C4orf50: variants seen among roughly 807,000 people sequenced by gnomAD.
The protein encoded by C4orf50 is uncharacterized protein C4orf50.
C4orf50 carries 80 observed loss-of-function variants against 77.2 expected under a neutral mutation model. That is an observed-to-expected ratio of 1.04 (90% CI 0.87 to 1.25). C4orf50 has a LOEUF of 1.25. C4orf50 is among the 50% of genes most tolerant of loss of function. C4orf50 has a pLI of 0.00. For synonymous variants in C4orf50, 532 were observed against 465.3 expected (o/e 1.14, Z -1.84); for missense variants, 1,257 against 1,152.9 (o/e 1.09, Z -1.31).
chr4:5,989,116 C>T (rs1037877403), exon 28 of C4orf50: 15 of 1,535,936 alleles, frequency 9.8e-6, no homozygotes, highest in African/African-American at 5.5e-5. Context: ...GTGGTTATCC[C>T]GCTCGAGCCT....
intron 28 of C4orf50, among the ~76,000 whole-genome samples, chr4:5,987,697 G>C (rs976447652): frequency 1.3e-5 from 2 of 151,638 alleles, no homozygotes; most frequent in Non-Finnish European, 2.9e-5. Flanking sequence ...AGATGGGAGA[G>C]AGAAATAGAG....
intron 7 of C4orf50, among the ~76,000 whole-genome samples, chr4:5,934,783 A>C (rs947311502): frequency 6.6e-6 from 1 of 152,234 alleles, no homozygotes; most frequent in Non-Finnish European, 1.5e-5. Flanking sequence ...TATCATAAAA[A>C]TGCCAACAGC....
chr4:5,967,602 T>C (rs932084419), intron 31 of C4orf50, 140 bp from the exon 10 acceptor site: 7 of 711,914 alleles, frequency 9.8e-6, no homozygotes, highest in Non-Finnish European at 1.5e-5. Flanking sequence ...ACCCTGCCTG[T>C]GTGCATGAAG....
chr4:5,961,586 A>C (rs538362765), intron 33 of C4orf50, among the ~76,000 whole-genome samples: 3 of 152,326 alleles, frequency 2.0e-5, no homozygotes, highest in African/African-American at 7.2e-5. Context: ...TGCTGTGCCC[A>C]AGGCCACACA....
At chr4:5,926,860 C>T (rs917564636) in intron 7 of C4orf50, among the ~76,000 whole-genome samples, 3 of 152,178 alleles carry the variant, frequency 2.0e-5, no homozygotes, top group Non-Finnish European at 2.9e-5. Context: ...GGCTCTGCGG[C>T]TCATCCATAT....
Position 6,004,304 on chromosome 4 carries a change from G to A in C4orf50, c.963+3692C>T, listed in dbSNP as rs780820909. On this transcript the variant is annotated intron_variant, in intron 25 of 33. Coordinates refer to ENST00000531445, the Ensembl canonical transcript of C4orf50. ...GGTGATGTTGGTGATGATGGTGATG[G>A]TGGTGATGATGTGATCGTAATGGTG... 3.6e-3 allele frequency among the ~76,000 whole-genome samples: 101 copies of A among 28,246 alleles called. 20 individuals carry two copies. In the East Asian group the frequency reaches 0.042, roughly 12 times the overall value. 18.5% of individuals were successfully genotyped at this position (28,246 alleles called of 152,430 possible).
chr4:5,945,668 G>A (rs181071589), intron 7 of C4orf50, among the ~76,000 whole-genome samples: 23 of 152,152 alleles, frequency 1.5e-4, no homozygotes, highest in Non-Finnish European at 2.8e-4. Flanking sequence ...GACTTGCCCC[G>A]GCCCCTGCCT....
chr4:5,917,706 T>A (rs1000140446), intron 7 of C4orf50, among the ~76,000 whole-genome samples: 1 of 152,064 alleles, frequency 6.6e-6, no homozygotes, highest in Non-Finnish European at 1.5e-5. Context: ...CCTGGCCAAT[T>A]TCTGTATTTC....
Position 6,018,452 on chromosome 4 carries a change from C to A in C4orf50, c.-21G>T, listed in dbSNP as rs972822465. Reference sequence around the variant, plus strand: ...TCCATCTCAGAAATATTTCATGGGGCAAGACTTAATAATAAAATTAAGTGA... The same window carrying A: ...TCCATCTCAGAAATATTTCATGGGGAAAGACTTAATAATAAAATTAAGTGA... On this transcript the variant is annotated 5_prime_UTR_variant, in exon 23 of 34. Transcript: ENST00000531445. This position sits in a 1 kb window ranked among gnomAD's most constrained non-coding sequence, Gnocchi z 5.1. 5.0e-6 allele frequency: 2 copies of A among 398,768 alleles called. No individual in the cohort carries two copies. The highest frequency in any genetic ancestry group is 8.8e-6 in the Non-Finnish European group (2 of 226,058). The allele number at this position is 398,768 out of a possible 1,614,324, so 24.7% of individuals were successfully genotyped here.
intron 28 of C4orf50, among the ~76,000 whole-genome samples, chr4:5,985,095 A>G (rs1720789056): frequency 6.6e-6 from 1 of 152,182 alleles, no homozygotes; most frequent in South Asian, 2.1e-4. Flanking sequence ...TTAAAGAGCC[A>G]AAAGAGTGAA....
chr4:6,004,204 T>A (rs1722068372), intron 25 of C4orf50, among the ~76,000 whole-genome samples: 1 of 104,490 alleles, frequency 9.6e-6, no homozygotes, highest in Non-Finnish European at 2.2e-5. Flanking sequence ...ATGGTGATGG[T>A]GATGATGGTG....
At chr4:5,928,628 G>A (rs550922812) in intron 7 of C4orf50, among the ~76,000 whole-genome samples, 10 of 152,276 alleles carry the variant, frequency 6.6e-5, no homozygotes, top group African/African-American at 1.2e-4. Flanking sequence ...CATGCTTCCC[G>A]GTGATAAAAC....
intron 7 of C4orf50, among the ~76,000 whole-genome samples, chr4:5,910,913 T>TTA (rs1716778102): frequency 7.1e-6 from 1 of 140,910 alleles, no homozygotes; most frequent in Admixed American, 7.0e-5. Context: ...CTTTCTTTTT[T>TTA]TTTTTTTTTT....
intron 28 of C4orf50, 99 bp from the exon 7 acceptor site, chr4:5,980,437 T>G: frequency 8.8e-7 from 1 of 1,135,400 alleles, no homozygotes; most frequent in South Asian, 1.5e-5. Flanking sequence ...CGTAGTTTTT[T>G]TTTTTGTTGT....
In C4orf50 at chr4:6,014,377, G is replaced by A. The variant is rs78718566; in HGVS notation, c.288-2409C>T. On this transcript the variant is annotated intron_variant, in intron 23 of 33. Transcript: ENST00000531445. ...GTGGCTTGGTACTGAACAAGTACTC[G>A]GTAAGTGCTTAGCTGTTATTAATTT... Among the ~76,000 whole-genome samples, 1,299 of 152,266 alleles carry A rather than the reference G, an allele frequency of 8.5e-3. 22 individuals are homozygous for A. Among genetic ancestry groups the A allele is most frequent in the African/African-American group, 0.03 (1,243 of 41,554 alleles).
intron 28 of C4orf50, among the ~76,000 whole-genome samples, chr4:5,983,033 G>A (rs767387114): frequency 3.9e-5 from 6 of 152,086 alleles, no homozygotes; most frequent in African/African-American, 1.2e-4. Context: ...GAGGGTTTTC[G>A]GTCAAAGAGT....
chr4:5,931,009 G>C (rs1717745186), intron 7 of C4orf50, among the ~76,000 whole-genome samples: 1 of 152,198 alleles, frequency 6.6e-6, no homozygotes, highest in Non-Finnish European at 1.5e-5. Flanking sequence ...AACAGTTCAG[G>C]TCCAGCTGGC....
intron 7 of C4orf50, among the ~76,000 whole-genome samples, chr4:5,926,243 C>A (rs1043505923): frequency 4.6e-5 from 7 of 152,170 alleles, no homozygotes; most frequent in African/African-American, 1.7e-4. Context: ...TCCAGGGGAA[C>A]ATTATTTAGC....
intron 25 of C4orf50, among the ~76,000 whole-genome samples, chr4:6,004,244 G>A (rs1182661666): frequency 4.2e-5 from 3 of 71,018 alleles, no homozygotes; most frequent in African/African-American, 1.6e-4. Flanking sequence ...GATGATGATG[G>A]TGATGATGGT....
Sources: allele counts gnomAD v4.1 joint callset (sites outside exome capture counted in the v4.1 genomes callset), GRCh38; gene constraint gnomAD v4.1.1; non-coding constraint Gnocchi (gnomAD v3.1); transcripts MANE v1.5; gene names NCBI Gene and HGNC (gene_info 2026-07-23, HGNC 2026-07-21).